Variants in CHRM2 observed in about 807,000 individuals in gnomAD.
CHRM2 encodes cholinergic receptor muscarinic 2, also known as muscarinic acetylcholine receptor M2.
Under a neutral mutation model 25.0 loss-of-function variants are expected in CHRM2, and 8 were observed. The ratio of observed to expected loss-of-function variants is 0.32; its 90% CI spans 0.19 to 0.58. CHRM2 has a LOEUF of 0.58. Among genes scored for constraint, CHRM2 ranks in the 20% least tolerant of loss-of-function variants. The pLI is 0.88. For synonymous variants in CHRM2, 202 were observed against 205.7 expected, an observed-to-expected ratio of 0.98 and a Z score of 0.15; for missense variants, 440 against 567.1, an observed-to-expected ratio of 0.78 and a Z score of 2.28.
chr7:137,016,900 C>A lies in CHRM2; in HGVS notation c.*634C>A, dbSNP rs1055078350. ...AAACAGAAACCCCAACTAGGTCACA[C>A]CATTTTTCTTCTTGTTATGCCACTA... On this transcript the variant is annotated 3_prime_UTR_variant, in exon 4 of 4. Transcript: ENST00000680005. 6.0e-6 allele frequency: 1 copy of A among 167,090 alleles called. No individual in the cohort carries two copies. Among genetic ancestry groups the A allele is most frequent in the Non-Finnish European group, 1.5e-5 (1 of 68,340 alleles). The allele number at this position is 167,090 out of a possible 1,614,324, so 10.4% of individuals were successfully genotyped here. A position where few individuals can be genotyped will look rare whatever the true frequency, so the allele number is the denominator to read the frequency against.
intron 3 of CHRM2, among the ~76,000 whole-genome samples, chr7:136,994,692 T>C (rs1418430529): frequency 1.3e-5 from 2 of 151,692 alleles, no homozygotes; most frequent in Non-Finnish European, 2.9e-5. Flanking sequence ...TTCAAATAAT[T>C]GTCATAACGA....
At chr7:136,965,102 CAT>C (rs1801329931) in intron 2 of CHRM2, among the ~76,000 whole-genome samples, 1 of 152,018 alleles carries the variant, frequency 6.6e-6, no homozygotes, top group Admixed American at 6.6e-5. Context: ...TTAATGCAGA[CAT>C]GTATATTGTG....
intron 3 of CHRM2, among the ~76,000 whole-genome samples, chr7:136,994,937 A>C (rs1413581239): frequency 1.3e-5 from 2 of 152,102 alleles, no homozygotes; most frequent in African/African-American, 4.8e-5. Context: ...TGCAATAGCC[A>C]CCAGGTTATT....
intron 2 of CHRM2, among the ~76,000 whole-genome samples, chr7:136,915,617 A>G (rs557108580): frequency 3.1e-4 from 47 of 151,994 alleles, no homozygotes; most frequent in Non-Finnish European, 3.4e-4. Flanking sequence ...ACTTACATAT[A>G]TCAACTAGTT....
At chr7:137,014,454 G>A (rs967898346) in intron 3 of CHRM2, among the ~76,000 whole-genome samples, 3 of 151,918 alleles carry the variant, frequency 2.0e-5, no homozygotes, top group Non-Finnish European at 4.4e-5. Context: ...GGAATCCCTT[G>A]ATGTTTTAGA....
At chr7:136,980,467 C>G (rs551017053) in intron 2 of CHRM2, among the ~76,000 whole-genome samples, 1 of 152,324 alleles carries the variant, frequency 6.6e-6, no homozygotes, top group African/African-American at 2.4e-5. Flanking sequence ...CTGGTCAGAA[C>G]TTCCAATACT....
chr7:136,903,587 C>T (rs1437080638), intron 2 of CHRM2, among the ~76,000 whole-genome samples: 1 of 151,924 alleles, frequency 6.6e-6, no homozygotes, highest in African/African-American at 2.4e-5. Context: ...ATTTTAGTAA[C>T]AGGCAAATCT....
chr7:136,993,825 T>C (rs918817701), intron 3 of CHRM2, among the ~76,000 whole-genome samples: 1 of 152,144 alleles, frequency 6.6e-6, no homozygotes, highest in Non-Finnish European at 1.5e-5. Context: ...TTTCCATACC[T>C]GATAATTTTT....
At chr7:136,902,240 C>G (rs995367435) in intron 2 of CHRM2, 4 of 151,722 alleles carry the variant, frequency 2.6e-5, no homozygotes, top group Admixed American at 6.6e-5. Flanking sequence ...TCCATCCATC[C>G]ATCCATCCAT....
intron 2 of CHRM2, among the ~76,000 whole-genome samples, chr7:136,982,898 TGAATC>T (rs902361961): frequency 6.6e-6 from 1 of 152,200 alleles, no homozygotes; most frequent in Non-Finnish European, 1.5e-5. Flanking sequence ...TCAACCTTGG[TGAATC>T]TGACGATTAT....
At chr7:136,885,128 A>G (rs1796413051) in intron 2 of CHRM2, among the ~76,000 whole-genome samples, 1 of 152,226 alleles carries the variant, frequency 6.6e-6, no homozygotes, top group African/African-American at 2.4e-5. Context: ...TGTTTTATTC[A>G]TCTTCATAGA....
chr7:136,971,514 G>A (rs1168351600), intron 2 of CHRM2, among the ~76,000 whole-genome samples: 3 of 151,194 alleles, frequency 2.0e-5, no homozygotes, highest in Non-Finnish European at 4.4e-5. Context: ...CTACTTGGGA[G>A]ACTGAGGTGG....
At chr7:136,913,394 C>T (rs1038996633) in intron 2 of CHRM2, among the ~76,000 whole-genome samples, 12 of 151,972 alleles carry the variant, frequency 7.9e-5, no homozygotes, top group Admixed American at 7.9e-4. Context: ...TCCTTGGGAA[C>T]CTAACAGAAG....
intron 2 of CHRM2, among the ~76,000 whole-genome samples, chr7:136,965,998 A>G (rs572135829): frequency 6.6e-6 from 1 of 152,080 alleles, no homozygotes; most frequent in Admixed American, 6.6e-5. Context: ...AGAATATGCT[A>G]TAATATTAAC....
chr7:136,967,207 C>A (rs1463230321), intron 2 of CHRM2, among the ~76,000 whole-genome samples: 1 of 151,934 alleles, frequency 6.6e-6, no homozygotes, highest in Non-Finnish European at 1.5e-5. Flanking sequence ...GGATAAAGGG[C>A]AGCTCAAACC....
At chr7:136,899,507 C>T (rs1322087920) in intron 2 of CHRM2, 1 of 152,014 alleles carries the variant, frequency 6.6e-6, no homozygotes, top group Non-Finnish European at 1.5e-5. Flanking sequence ...TAAGGTATGT[C>T]ACAACTTTGC....
chr7:136,922,649 C>T (rs1798513877), intron 2 of CHRM2, among the ~76,000 whole-genome samples: 1 of 152,132 alleles, frequency 6.6e-6, no homozygotes, highest in Admixed American at 6.5e-5. Context: ...CTGTGACTCT[C>T]TCAAATTGGC....
chr7:136,941,400 C>T (rs1000136781), intron 2 of CHRM2, among the ~76,000 whole-genome samples: 2 of 152,140 alleles, frequency 1.3e-5, no homozygotes, highest in African/African-American at 2.4e-5. Flanking sequence ...CATGATTTAT[C>T]AAGAACCTAC....
At chr7:136,994,521 C>CTTTTTTTTTTTTTTTTTTT (rs757243972) in intron 3 of CHRM2, among the ~76,000 whole-genome samples, 6 of 71,414 alleles carry the variant, frequency 8.4e-5, no homozygotes, top group African/African-American at 1.7e-4. Flanking sequence ...TTTTTCTTTT[C>CTTTTTTTTTTTTTTTTTTT]TTTTTTTTTT....
Sources: gnomAD v4.1 joint callset for allele counts (sites outside exome capture counted in the v4.1 genomes callset) on GRCh38, gnomAD v4.1.1 for gene constraint, MANE v1.5 for transcripts, NCBI Gene and HGNC (gene_info 2026-07-23, HGNC 2026-07-21) for gene names.